Variants in SLC44A5 observed in about 807,000 individuals in gnomAD.
SLC44A5 encodes choline transporter-like protein 5.
A neutral mutation model predicts 101.8 loss-of-function variants in SLC44A5; 57 were observed. The ratio of observed to expected loss-of-function variants is 0.56; its 90% CI spans 0.45 to 0.70. SLC44A5 has a LOEUF of 0.70. Among genes scored for constraint, SLC44A5 ranks in the 30% least tolerant of loss-of-function variants. The pLI is 0.00. For missense variants in SLC44A5, 737 were observed against 853.1 expected (o/e 0.86, Z 1.70); for synonymous variants, 281 against 290.9 (o/e 0.97, Z 0.35).
intron 1 of SLC44A5, among the ~76,000 whole-genome samples, chr1:75,599,304 C>A (rs1557948961): frequency 6.6e-6 from 1 of 152,232 alleles, no homozygotes; most frequent in Non-Finnish European, 1.5e-5. Context: ...GGAAATAGAG[C>A]ACTGTTTTTT....
chr1:75,311,171 C>CCA (rs1440778234), intron 4 of SLC44A5, among the ~76,000 whole-genome samples: 5 of 151,438 alleles, frequency 3.3e-5, no homozygotes, highest in African/African-American at 9.7e-5. Context: ...AGTTGGAGTG[C>CCA]ATTGGCACGA....
chr1:75,659,490 A>AAGGC, the SLC44A5 span, among the ~76,000 whole-genome samples: 96 of 42,358 alleles, frequency 2.3e-3, no homozygotes, highest in East Asian at 3.9e-3. Context: ...GGAAGGAAGG[A>AAGGC]AGGCAGGCAG....
intron 1 of SLC44A5, among the ~76,000 whole-genome samples, chr1:75,544,366 A>G (rs1029354822): frequency 5.9e-5 from 9 of 152,172 alleles, no homozygotes; most frequent in Non-Finnish European, 1.2e-4. Flanking sequence ...AAATTACCCA[A>G]TCTGTGGTAT....
At chr1:75,562,832 T>C (rs567255833) in intron 1 of SLC44A5, among the ~76,000 whole-genome samples, 2 of 152,302 alleles carry the variant, frequency 1.3e-5, no homozygotes, top group South Asian at 4.1e-4. Flanking sequence ...GTCTATTATT[T>C]TTTGCTCCTA....
intron 2 of SLC44A5, among the ~76,000 whole-genome samples, chr1:75,491,811 G>C (rs145155654): frequency 6.6e-6 from 1 of 152,228 alleles, no homozygotes; most frequent in African/African-American, 2.4e-5. Context: ...AGCTGTGTGG[G>C]AACATCAGTT....
intron 1 of SLC44A5, among the ~76,000 whole-genome samples, chr1:75,576,954 A>G (rs951701132): frequency 6.6e-6 from 1 of 152,228 alleles, no homozygotes; most frequent in Non-Finnish European, 1.5e-5. Context: ...TGGGCATCTC[A>G]AATCCAAAAT....
intron 1 of SLC44A5, among the ~76,000 whole-genome samples, chr1:75,594,946 G>A (rs1309496625): frequency 6.6e-6 from 1 of 151,744 alleles, no homozygotes; most frequent in Admixed American, 6.6e-5. Context: ...AACATATAAG[G>A]CTGAAAACAA....
intron 1 of SLC44A5, among the ~76,000 whole-genome samples, chr1:75,586,582 A>G (rs779583250): frequency 6.6e-6 from 1 of 151,236 alleles, no homozygotes; most frequent in African/African-American, 2.4e-5. Context: ...GTCTCATATG[A>G]TTACTCCTTT....
rs1294845819 is a variant in SLC44A5 at position 75,559,064 on chromosome 1, TA to T, written c.-69-17549del. ...TTATTAACATGAAACCATGAAACAATAAGAGTATATATTCTTAAAGTGTTAA... is the reference window on the plus strand; with the variant it reads ...TTATTAACATGAAACCATGAAACAATAGAGTATATATTCTTAAAGTGTTAA... On this transcript the variant is annotated intron_variant, in intron 1 of 23. Transcript: ENST00000370859. Among the ~76,000 whole-genome samples, 16 of 152,086 alleles carry T rather than the reference TA, an allele frequency of 1.1e-4. No individual in the cohort carries two copies. In the East Asian group the frequency reaches 2.9e-3, roughly 28 times the overall value.
chr1:75,337,345 A>C (rs545690801), intron 4 of SLC44A5, among the ~76,000 whole-genome samples: 66 of 152,204 alleles, frequency 4.3e-4, no homozygotes, highest in Non-Finnish European at 8.7e-4. Context: ...ACAGGAAGAG[A>C]AACAGTGGAT....
chr1:75,710,883 T>A, the SLC44A5 span, among the ~76,000 whole-genome samples: 4 of 152,218 alleles, frequency 2.6e-5, no homozygotes, highest in Non-Finnish European at 5.9e-5. Context: ...ACTAATATAA[T>A]CATCTCTATT....
At chr1:75,289,135 C>A (rs1017050875) in intron 5 of SLC44A5, among the ~76,000 whole-genome samples, 2 of 152,146 alleles carry the variant, frequency 1.3e-5, no homozygotes, top group Non-Finnish European at 2.9e-5. Flanking sequence ...CTGCGTCTTA[C>A]ATTTTCTGCT....
At chr1:75,391,753 C>T (rs1042212795) in intron 3 of SLC44A5, among the ~76,000 whole-genome samples, 5 of 152,100 alleles carry the variant, frequency 3.3e-5, no homozygotes, top group Non-Finnish European at 5.9e-5. Context: ...AATGTAAGAC[C>T]TCAAACTATA....
At chr1:75,483,781 G>A (rs1197323397) in intron 2 of SLC44A5, among the ~76,000 whole-genome samples, 2 of 152,144 alleles carry the variant, frequency 1.3e-5, no homozygotes, top group African/African-American at 4.8e-5. Flanking sequence ...TAATTTATAA[G>A]GAAAAGAGGT....
At chr1:75,560,859 C>T (rs1412538599) in intron 1 of SLC44A5, among the ~76,000 whole-genome samples, 1 of 152,098 alleles carries the variant, frequency 6.6e-6, no homozygotes, top group Admixed American at 6.6e-5. Flanking sequence ...ATTTAGTTAC[C>T]TTTTAAAGGT....
At chr1:75,515,227 C>T (rs4949863) in intron 2 of SLC44A5, among the ~76,000 whole-genome samples, 105,904 of 152,122 alleles carry the variant, frequency 0.7, 37,489 homozygotes, top group East Asian at 0.96. Flanking sequence ...TGTGGAATAA[C>T]TAAATCAAGC....
intron 3 of SLC44A5, among the ~76,000 whole-genome samples, chr1:75,366,942 T>C (rs569091266): frequency 5.0e-4 from 56 of 110,944 alleles, no homozygotes; most frequent in African/African-American, 2.3e-3. Flanking sequence ...TATTTTTAAA[T>C]AATTATCTAT....
chr1:75,441,710 C>T (rs888577049), intron 2 of SLC44A5, among the ~76,000 whole-genome samples: 1 of 151,846 alleles, frequency 6.6e-6, no homozygotes, highest in Non-Finnish European at 1.5e-5. Context: ...GTCTTCTCTG[C>T]TGCTGGATTT....
the SLC44A5 span, among the ~76,000 whole-genome samples, chr1:75,680,204 G>A: frequency 0.043 from 6,448 of 151,340 alleles, 187 homozygotes; most frequent in African/African-American, 0.087. Flanking sequence ...ACAGATCAAC[G>A]AGACAGAAAG....
Sources: gnomAD v4.1 joint callset for allele counts (sites outside exome capture counted in the v4.1 genomes callset) on GRCh38, gnomAD v4.1.1 for gene constraint, MANE v1.5 for transcripts, NCBI Gene and HGNC (gene_info 2026-07-23, HGNC 2026-07-21) for gene names.